Variants in RAD51B observed in about 807,000 individuals in gnomAD.
RAD51B encodes RAD51 paralog B.
Under a neutral mutation model 42.2 loss-of-function variants are expected in RAD51B, and 38 were observed. That is an observed-to-expected ratio of 0.90 (90% CI 0.70 to 1.18). The LOEUF is 1.18. RAD51B is among the 50% of genes most tolerant of loss of function. RAD51B has a pLI of 0.00. For synonymous variants in RAD51B, 154 were observed against 145.2 expected (o/e 1.06, Z -0.43); for missense variants, 373 against 400.7 (o/e 0.93, Z 0.59).
chr14:68,259,260 G>A (rs1052300175), intron 7 of RAD51B, among the ~76,000 whole-genome samples: 1 of 148,556 alleles, frequency 6.7e-6, no homozygotes, highest in African/African-American at 2.5e-5. Flanking sequence ...ACCTGTGAGT[G>A]AGGACACAGG....
chr14:68,063,341 G>T (rs1485306613), intron 7 of RAD51B, among the ~76,000 whole-genome samples: 1 of 152,142 alleles, frequency 6.6e-6, no homozygotes, highest in African/African-American at 2.4e-5. Context: ...ACTGGAAGGT[G>T]ATTGGATAAT....
intron 7 of RAD51B, among the ~76,000 whole-genome samples, chr14:68,043,744 A>C (rs1430604517): frequency 6.6e-6 from 1 of 152,216 alleles, no homozygotes; most frequent in Non-Finnish European, 1.5e-5. Flanking sequence ...GTAAGTAGGG[A>C]GAGTAACCCT....
chr14:68,483,409 G>T (rs1259479213), intron 10 of RAD51B, among the ~76,000 whole-genome samples: 3 of 152,156 alleles, frequency 2.0e-5, no homozygotes. Flanking sequence ...TTGAAATAGA[G>T]GGGTAGCCAA....
intron 7 of RAD51B, among the ~76,000 whole-genome samples, chr14:68,287,642 A>G (rs1438720302): frequency 6.6e-6 from 1 of 152,200 alleles, no homozygotes; most frequent in East Asian, 1.9e-4. Flanking sequence ...AATAGCAAAA[A>G]TAGCATATGT....
At chr14:67,855,759 C>A (rs1421453466) in intron 4 of RAD51B, among the ~76,000 whole-genome samples, 1 of 152,138 alleles carries the variant, frequency 6.6e-6, no homozygotes, top group Non-Finnish European at 1.5e-5. Context: ...TCCATGTCTG[C>A]AAAGGTGGAT....
chr14:68,545,795 G>A (rs567910932), intron 10 of RAD51B, among the ~76,000 whole-genome samples: 2 of 152,284 alleles, frequency 1.3e-5, no homozygotes, highest in Non-Finnish European at 1.5e-5. Context: ...GCAGAAGAAG[G>A]GAGTGGTGGG....
Position 68,035,785 on chromosome 14 carries a change from A to AT in RAD51B, c.756+148588dup, listed in dbSNP as rs887564404. Among the ~76,000 whole-genome samples the AT allele has an allele frequency of 1.3e-5, 2 of 152,252 alleles. 1 individual carries two copies. The highest frequency in any genetic ancestry group is 6.8e-3 in the Middle Eastern group (2 of 294). On this transcript the variant is annotated intron_variant, in intron 7 of 10. Coordinates refer to ENST00000471583, the MANE Select transcript of RAD51B (RefSeq NM_133510.4). ...TTTAATACTAATTTTCTAATTCCTC[A>AT]TTTTTTTAAATGTCAGAAGCCAGGC...
intron 8 of RAD51B, among the ~76,000 whole-genome samples, chr14:68,344,032 G>A (rs1017217968): frequency 2.0e-5 from 3 of 152,272 alleles, no homozygotes; most frequent in Non-Finnish European, 4.4e-5. Flanking sequence ...GCCTGCTGCA[G>A]AGGTGGAGCC....
intron 8 of RAD51B, among the ~76,000 whole-genome samples, chr14:68,392,483 A>G (rs1040335255): frequency 2.0e-5 from 3 of 152,198 alleles, no homozygotes; most frequent in East Asian, 1.9e-4. Flanking sequence ...TTGATGCCCT[A>G]TAGGACTCTC....
chr14:68,032,794 C>T (rs539029367), intron 7 of RAD51B, among the ~76,000 whole-genome samples: 2 of 152,264 alleles, frequency 1.3e-5, no homozygotes, highest in East Asian at 3.9e-4. Context: ...GGGCAGAGCT[C>T]TTCTTGATCA....
intron 8 of RAD51B, among the ~76,000 whole-genome samples, chr14:68,372,884 A>G (rs771700615): frequency 8.5e-5 from 13 of 152,246 alleles, no homozygotes; most frequent in African/African-American, 1.9e-4. Flanking sequence ...TCTAATCAAC[A>G]TTCTCCTTCC....
intron 9 of RAD51B, among the ~76,000 whole-genome samples, chr14:68,420,346 AAGC>A (rs1265352805): frequency 2.0e-5 from 3 of 152,226 alleles, no homozygotes; most frequent in African/African-American, 7.2e-5. Flanking sequence ...CATAAAGTGA[AAGC>A]AAGTTTATTA....
intron 7 of RAD51B, among the ~76,000 whole-genome samples, chr14:68,232,953 A>G (rs2080176442): frequency 2.0e-5 from 3 of 152,200 alleles, no homozygotes; most frequent in South Asian, 4.1e-4. Context: ...AATTGGCTTG[A>G]TGTTGGTCTA....
intron 7 of RAD51B, among the ~76,000 whole-genome samples, chr14:67,891,688 T>C (rs1049071905): frequency 6.6e-6 from 1 of 152,066 alleles, no homozygotes; most frequent in Admixed American, 6.6e-5. Context: ...AGCTGTTCCA[T>C]TATGCCAAGT....
intron 9 of RAD51B, among the ~76,000 whole-genome samples, chr14:68,436,042 A>G (rs570955863): frequency 1.3e-5 from 2 of 151,964 alleles, no homozygotes; most frequent in South Asian, 2.1e-4. Flanking sequence ...TTGTTTGTCA[A>G]TTTTTGTTTT....
intron 8 of RAD51B, among the ~76,000 whole-genome samples, chr14:68,318,768 G>A (rs2082107777): frequency 6.6e-6 from 1 of 152,162 alleles, no homozygotes; most frequent in South Asian, 2.1e-4. Context: ...CTAGTATTTA[G>A]TGGCATTGAA....
chr14:68,673,687 GTGCACACACATACACATAC>G (rs1335523949), intron 11 of RAD51B, among the ~76,000 whole-genome samples: 1 of 142,214 alleles, frequency 7.0e-6, no homozygotes, highest in African/African-American at 2.6e-5. Flanking sequence ...ATATGTATAT[GTGCACACACATACACATAC>G]TGTACACACA....
chr14:68,203,028 G>A (rs1328164389), intron 7 of RAD51B, among the ~76,000 whole-genome samples: 1 of 152,088 alleles, frequency 6.6e-6, no homozygotes, highest in Non-Finnish European at 1.5e-5. Flanking sequence ...AGTCATCCCT[G>A]AGGGTTGGAA....
intron 7 of RAD51B, among the ~76,000 whole-genome samples, chr14:67,915,495 T>C (rs1189669901): frequency 2.0e-5 from 3 of 152,230 alleles, no homozygotes; most frequent in Non-Finnish European, 4.4e-5. Context: ...CTTTATTGGC[T>C]TTTATCATCT....
Sources: gnomAD v4.1 joint callset for allele counts (sites outside exome capture counted in the v4.1 genomes callset) on GRCh38, gnomAD v4.1.1 for gene constraint, MANE v1.5 for transcripts, NCBI Gene and HGNC (gene_info 2026-07-23, HGNC 2026-07-21) for gene names.